TUSC3: variants seen among roughly 807,000 people sequenced by gnomAD.
TUSC3 encodes the protein dolichyl-diphosphooligosaccharide--protein glycosyltransferase subunit TUSC3.
Under a neutral mutation model 44.8 loss-of-function variants are expected in TUSC3, and 45 were observed. The observed-to-expected ratio is 1.00, with a 90% CI of 0.79 to 1.29. TUSC3 has a LOEUF of 1.29. Ranked by LOEUF, TUSC3 falls within the 50% of genes most tolerant of loss-of-function variation. TUSC3 has a pLI of 0.00. For synonymous variants in TUSC3, 212 were observed against 152.9 expected (o/e 1.39, Z -2.85); for missense variants, 519 against 437.9 (o/e 1.19, Z -1.65).
At chr8:15,735,463 G>T (rs1585282141) in intron 7 of TUSC3, among the ~76,000 whole-genome samples, 2 of 152,170 alleles carry the variant, frequency 1.3e-5, no homozygotes, top group Admixed American at 1.3e-4. Flanking sequence ...TGGTTGATGA[G>T]AAAGGGATTA....
At chr8:15,453,860 G>C (rs562879434) in intron 1 of TUSC3, among the ~76,000 whole-genome samples, 1 of 152,274 alleles carries the variant, frequency 6.6e-6, no homozygotes, top group East Asian at 1.9e-4. Flanking sequence ...ACCAGCACCA[G>C]GGAAAGGCAG....
chr8:15,641,997 A>G (rs76767073), intron 2 of TUSC3, among the ~76,000 whole-genome samples: 4 of 152,218 alleles, frequency 2.6e-5, no homozygotes, highest in Non-Finnish European at 4.4e-5. Flanking sequence ...AATTGTACCC[A>G]TTATATACAT....
chr8:15,575,557 A>G (rs1019810239), intron 1 of TUSC3, among the ~76,000 whole-genome samples: 1 of 152,138 alleles, frequency 6.6e-6, no homozygotes, highest in Non-Finnish European at 1.5e-5. Context: ...ACCTGAGGTC[A>G]GGAGTTTGAG....
At chr8:15,802,980 G>C in the TUSC3 span, among the ~76,000 whole-genome samples, 2 of 152,110 alleles carry the variant, frequency 1.3e-5, no homozygotes, top group South Asian at 2.1e-4. Flanking sequence ...ATTTATTTTA[G>C]GTAAACGTGT....
chr8:15,476,523 A>C (rs1800577078), intron 1 of TUSC3, among the ~76,000 whole-genome samples: 1 of 152,148 alleles, frequency 6.6e-6, no homozygotes, highest in Non-Finnish European at 1.5e-5. Flanking sequence ...CGTGATTTAC[A>C]AAGGAATTTA....
chr8:15,461,395 A>G (rs888907345), intron 1 of TUSC3, among the ~76,000 whole-genome samples: 18 of 152,060 alleles, frequency 1.2e-4, no homozygotes, highest in African/African-American at 4.1e-4. Flanking sequence ...GTATCCAGAA[A>G]CTTTACTGAA....
chr8:15,452,405 G>A (rs553930346), intron 1 of TUSC3, among the ~76,000 whole-genome samples: 4 of 152,244 alleles, frequency 2.6e-5, no homozygotes, highest in African/African-American at 9.6e-5. Flanking sequence ...GATTACTCAC[G>A]CCTTTAATTA....
At chr8:15,631,520 T>C (rs879684152) in intron 2 of TUSC3, among the ~76,000 whole-genome samples, 16 of 152,174 alleles carry the variant, frequency 1.1e-4, no homozygotes, top group Non-Finnish European at 1.9e-4. Context: ...CACTAATTAG[T>C]AATGTTTTGC....
At chr8:15,787,747 C>T in the TUSC3 span, among the ~76,000 whole-genome samples, 1 of 152,154 alleles carries the variant, frequency 6.6e-6, no homozygotes, top group Non-Finnish European at 1.5e-5. Context: ...CCTCTTTATT[C>T]TAGATTGAAA....
chr8:15,777,674 T>C, the TUSC3 span, among the ~76,000 whole-genome samples: 1 of 152,148 alleles, frequency 6.6e-6, no homozygotes, highest in African/African-American at 2.4e-5. Context: ...ATAAGACAAG[T>C]ATACACTTTA....
At chr8:15,643,426 G>C (rs978805696) in intron 2 of TUSC3, among the ~76,000 whole-genome samples, 2 of 146,234 alleles carry the variant, frequency 1.4e-5, no homozygotes, top group African/African-American at 5.0e-5. Context: ...TTTTTTTTAA[G>C]GAGAACCAAA....
chr8:15,665,207 T>G (rs1403861441), intron 5 of TUSC3, among the ~76,000 whole-genome samples: 2 of 151,516 alleles, frequency 1.3e-5, no homozygotes, highest in Non-Finnish European at 3.0e-5. Context: ...GGAAAGCTCT[T>G]AAAATAAAAC....
chr8:15,686,747 T>C (rs1808647026), intron 6 of TUSC3, among the ~76,000 whole-genome samples: 2 of 152,092 alleles, frequency 1.3e-5, no homozygotes, highest in South Asian at 4.2e-4. Flanking sequence ...AAAGAGAATG[T>C]TAACATTATC....
At chr8:15,453,041 G>C (rs1800214612) in intron 1 of TUSC3, among the ~76,000 whole-genome samples, 2 of 152,088 alleles carry the variant, frequency 1.3e-5, no homozygotes, top group Admixed American at 1.3e-4. Context: ...TGCATAACTA[G>C]AAACAGTATC....
At chr8:15,516,529 A>G (rs999630540) in intron 2 of TUSC3, among the ~76,000 whole-genome samples, 6 of 152,142 alleles carry the variant, frequency 3.9e-5, no homozygotes, top group African/African-American at 1.4e-4. Flanking sequence ...TTCCTTTACC[A>G]TTGAGATTAC....
At chr8:15,501,771 A>T (rs529319929) in intron 2 of TUSC3, among the ~76,000 whole-genome samples, 1 of 152,336 alleles carries the variant, frequency 6.6e-6, no homozygotes, top group Admixed American at 6.5e-5. Flanking sequence ...ATCTAACAGG[A>T]TGCTGATTGC....
At chr8:15,650,196 G>A (rs187395214) in intron 2 of TUSC3, among the ~76,000 whole-genome samples, 256 of 152,300 alleles carry the variant, frequency 1.7e-3, no homozygotes, top group Non-Finnish European at 1.9e-3. Flanking sequence ...ATAAGGTGGA[G>A]TATAAGTATT....
At chr8:15,761,239 T>C (rs761810684) in intron 10 of TUSC3, among the ~76,000 whole-genome samples, 13 of 152,188 alleles carry the variant, frequency 8.5e-5, no homozygotes, top group Non-Finnish European at 1.5e-4. Flanking sequence ...GACAGCATTT[T>C]CATCTAAATT....
chr8:15,762,167 T>C (rs973330229), intron 10 of TUSC3, among the ~76,000 whole-genome samples: 5 of 151,966 alleles, frequency 3.3e-5, no homozygotes, highest in Admixed American at 1.3e-4. Context: ...TTTGACATTT[T>C]TGTGCTTCAA....
Sources: allele counts gnomAD v4.1 joint callset (sites outside exome capture counted in the v4.1 genomes callset), GRCh38; gene constraint gnomAD v4.1.1; transcripts MANE v1.5; gene names NCBI Gene and HGNC (gene_info 2026-07-23, HGNC 2026-07-21).